The following CNKSR2 variants were observed in gnomAD, a reference collection of about 807,000 sequenced individuals.
CNKSR2 encodes connector enhancer of kinase suppressor of Ras 2.
Under a neutral mutation model 84.4 loss-of-function variants are expected in CNKSR2, and 14 were observed. The observed-to-expected ratio is 0.17, with a 90% CI of 0.11 to 0.26. The LOEUF is 0.26. Among genes scored for constraint, CNKSR2 ranks in the 10% least tolerant of loss-of-function variants. The pLI, the probability that CNKSR2 is intolerant of heterozygous loss-of-function variation, is 1.00. For synonymous variants in CNKSR2, 275 were observed against 277.9 expected (o/e 0.99, Z 0.10); for missense variants, 485 against 771.2 (o/e 0.63, Z 4.40).
chrX:21,547,366 C>T (rs777497012), intron 11 of CNKSR2, among the ~76,000 whole-genome samples: 288 of 111,558 alleles, frequency 2.6e-3, no homozygotes, highest in African/African-American at 9.2e-3. Flanking sequence ...ATCAATGCAA[C>T]AAGAAGAGCT....
chrX:21,432,510 A>G, intron 2 of CNKSR2, 102 bp from the exon 3 acceptor site: 1 of 581,164 alleles, frequency 1.7e-6, no homozygotes, highest in Admixed American at 3.4e-5. Flanking sequence ...TTGTAACTCG[A>G]ATGCTACCCC....
At chrX:21,484,532 C>T (rs2091359116) in intron 5 of CNKSR2, among the ~76,000 whole-genome samples, 1 of 111,059 alleles carries the variant, frequency 9.0e-6, no homozygotes, top group Admixed American at 9.6e-5. Flanking sequence ...CTATCTGTTG[C>T]TTCCTTAATT....
At chrX:21,438,078 T>C (rs1362339678) in intron 3 of CNKSR2, among the ~76,000 whole-genome samples, 1 of 111,973 alleles carries the variant, frequency 8.9e-6, no homozygotes, top group African/African-American at 3.2e-5. Flanking sequence ...TACACTGTGG[T>C]GTAGTCATGC....
At chrX:21,551,009 C>A in intron 11 of CNKSR2, among the ~76,000 whole-genome samples, 1 of 102,429 alleles carries the variant, frequency 9.8e-6, no homozygotes, top group African/African-American at 3.6e-5. Flanking sequence ...CCAGCCTGGG[C>A]AACAGAGCAA....
At chrX:21,495,182 TGA>T (rs2091480776) in intron 6 of CNKSR2, 1 of 111,772 alleles carries the variant, frequency 8.9e-6, no homozygotes, top group Non-Finnish European at 1.9e-5. Flanking sequence ...GCCCAGTGGT[TGA>T]GAGTGTGGAC....
chrX:21,606,735 A>G (rs1224380781), intron 18 of CNKSR2, 44 bp from the exon 19 acceptor site: 1 of 792,195 alleles, frequency 1.3e-6, no homozygotes, highest in Non-Finnish European at 1.9e-6. Context: ...ATGACCAGAA[A>G]CATTTAGTAG....
chrX:21,497,671 T>TG, intron 6 of CNKSR2, 116 bp from the exon 7 acceptor site: 1 of 479,278 alleles, frequency 2.1e-6, no homozygotes, highest in African/African-American at 2.4e-5. Context: ...GATTTATTTC[T>TG]GGGGCGTGTG....
chrX:21,384,003 A>G (rs1015442268), intron 1 of CNKSR2, among the ~76,000 whole-genome samples: 1 of 111,970 alleles, frequency 8.9e-6, no homozygotes, highest in Non-Finnish European at 1.9e-5. Flanking sequence ...TTATGTGTAT[A>G]TAGGAACTTA....
chrX:21,628,447 C>T (rs772046638), intron 20 of CNKSR2, among the ~76,000 whole-genome samples: 3 of 111,715 alleles, frequency 2.7e-5, no homozygotes, highest in South Asian at 3.8e-4. Context: ...CCTTCTGCAC[C>T]GCCCTAGCAG....
At chrX:21,590,297 T>C (rs748487782) in intron 13 of CNKSR2, among the ~76,000 whole-genome samples, 7 of 112,188 alleles carry the variant, frequency 6.2e-5, no homozygotes, top group Non-Finnish European at 1.3e-4. Context: ...GTAGTGTGTA[T>C]GTGTAAAAGC....
At chrX:21,652,164 G>A (rs1030297533) in intron 21 of CNKSR2, 142 bp from the exon 22 acceptor site, 14 of 461,579 alleles carry the variant, frequency 3.0e-5, no homozygotes, top group Non-Finnish European at 5.1e-5. Flanking sequence ...ACACTAGGAC[G>A]TGAGTCTAAA....
At chrX:21,595,453 C>T in intron 17 of CNKSR2, 58 bp downstream of exon 17, 1 of 687,608 alleles carries the variant, frequency 1.5e-6, no homozygotes, top group Middle Eastern at 3.9e-4. Context: ...AAATTTTCTA[C>T]AGTAATTCTT....
intron 8 of CNKSR2, chrX:21,506,133 G>T (rs952886095): frequency 9.0e-6 from 1 of 111,249 alleles, no homozygotes; most frequent in African/African-American, 3.3e-5. Flanking sequence ...TCTTATTCCT[G>T]TAAACACACA....
At chrX:21,571,498 A>G (rs2092283675) in intron 13 of CNKSR2, among the ~76,000 whole-genome samples, 1 of 112,390 alleles carries the variant, frequency 8.9e-6, no homozygotes, top group East Asian at 2.8e-4. Flanking sequence ...AATGCTAAGC[A>G]CTTAAATACA....
At chrX:21,559,456 A>G (rs930500706) in intron 11 of CNKSR2, among the ~76,000 whole-genome samples, 1 of 111,141 alleles carries the variant, frequency 9.0e-6, no homozygotes, top group Admixed American at 9.5e-5. Flanking sequence ...GTAGCTGTAC[A>G]TACTTGTTCA....
intron 1 of CNKSR2, among the ~76,000 whole-genome samples, chrX:21,379,732 G>C (rs982049037): frequency 4.5e-5 from 5 of 111,301 alleles, no homozygotes; most frequent in African/African-American, 1.6e-4. Context: ...ATTAGCCTCT[G>C]TAAGGGATGG....
At chrX:21,465,037 T>C (rs2091109399) in intron 4 of CNKSR2, among the ~76,000 whole-genome samples, 1 of 112,109 alleles carries the variant, frequency 8.9e-6, no homozygotes, top group African/African-American at 3.2e-5. Context: ...TTGTTCAGTG[T>C]GTTCACACAC....
At chrX:21,575,895 CA>C (rs773039264) in intron 13 of CNKSR2, among the ~76,000 whole-genome samples, 16 of 112,272 alleles carry the variant, frequency 1.4e-4, no homozygotes, top group Non-Finnish European at 2.6e-4. Context: ...GAAGACATGA[CA>C]ATCTTAAACA....
chrX:21,484,449 A>C (rs1012945097), intron 5 of CNKSR2, among the ~76,000 whole-genome samples: 1 of 112,158 alleles, frequency 8.9e-6, no homozygotes, highest in African/African-American at 3.2e-5. Flanking sequence ...TGCTATTGAT[A>C]ATAAGCCTGA....
Sources: gnomAD v4.1 joint callset for allele counts (sites outside exome capture counted in the v4.1 genomes callset) on GRCh38, gnomAD v4.1.1 for gene constraint, MANE v1.5 for transcripts, NCBI Gene and HGNC (gene_info 2026-07-23, HGNC 2026-07-21) for gene names.